The following FUT8 variants were observed in gnomAD, a reference collection of about 807,000 sequenced individuals.
FUT8 encodes fucosyltransferase 8, also known as alpha-(1,6)-fucosyltransferase.
A neutral mutation model predicts 71.3 loss-of-function variants in FUT8; 29 were observed. The observed-to-expected ratio is 0.41, with a 90% CI of 0.30 to 0.55. The LOEUF is 0.55. Among genes scored for constraint, FUT8 ranks in the 20% least tolerant of loss-of-function variants. FUT8 has a pLI of 0.34. For synonymous variants in FUT8, 254 were observed against 239.3 expected, an observed-to-expected ratio of 1.06 and a Z score of -0.57; for missense variants, 544 against 702.1, an observed-to-expected ratio of 0.77 and a Z score of 2.55.
At chr14:65,451,755 C>A (rs1008412466) in intron 1 of FUT8, among the ~76,000 whole-genome samples, 2 of 152,238 alleles carry the variant, frequency 1.3e-5, no homozygotes, top group Non-Finnish European at 2.9e-5. Flanking sequence ...TCAGCCATCT[C>A]TGGCAAGATT....
chr14:65,613,239 A>T (rs947182814), intron 3 of FUT8, among the ~76,000 whole-genome samples: 2 of 152,172 alleles, frequency 1.3e-5, no homozygotes, highest in Non-Finnish European at 2.9e-5. Flanking sequence ...GAGAACCTAG[A>T]CATAATCTTT....
In FUT8 at chr14:65,717,107, C is replaced by T. The variant is rs531558160; in HGVS notation, c.836-4668C>T. On this transcript the variant is annotated intron_variant, in intron 7 of 10. Transcript: ENST00000673929. ...GCAGAGGCGTTCCCCACTTCCCAGACGACGGGCAGCCGGGCAGAGGCGCTC... is the reference window on the plus strand; with the variant it reads ...GCAGAGGCGTTCCCCACTTCCCAGATGACGGGCAGCCGGGCAGAGGCGCTC... 1.3e-3 allele frequency among the ~76,000 whole-genome samples: 149 copies of T among 118,768 alleles called. 2 individuals are homozygous for T. Among genetic ancestry groups the T allele is most frequent in the Non-Finnish European group, 2.1e-3 (126 of 58,682 alleles). 77.9% of individuals were successfully genotyped at this position (118,768 alleles called of 152,430 possible).
intron 2 of FUT8, among the ~76,000 whole-genome samples, chr14:65,500,156 A>G (rs2066623757): frequency 6.6e-6 from 1 of 152,192 alleles, no homozygotes; most frequent in Non-Finnish European, 1.5e-5. Flanking sequence ...CCTGTTGGTA[A>G]TCTGGATGTA....
the FUT8 span, among the ~76,000 whole-genome samples, chr14:65,373,308 T>A: frequency 6.6e-6 from 1 of 151,348 alleles, no homozygotes; most frequent in Non-Finnish European, 1.5e-5. Flanking sequence ...TTTTGGCCTG[T>A]CATGTCCCCC....
At chr14:65,718,756 T>G (rs1015109561) in intron 7 of FUT8, among the ~76,000 whole-genome samples, 1 of 152,084 alleles carries the variant, frequency 6.6e-6, no homozygotes, top group Non-Finnish European at 1.5e-5. Context: ...AGGGTAAAAG[T>G]TTTTTTTCCC....
chr14:65,392,312 T>C, the FUT8 span, among the ~76,000 whole-genome samples: 1 of 152,248 alleles, frequency 6.6e-6, no homozygotes. Flanking sequence ...CTGTGTTCCT[T>C]TGAGTGTCTG....
intron 6 of FUT8, 55 bp downstream of exon 6, chr14:65,629,661 T>C: frequency 1.7e-6 from 2 of 1,169,030 alleles, no homozygotes; most frequent in East Asian, 2.3e-5. Context: ...GATCATAATA[T>C]AACTAAGAGT....
chr14:65,439,954 G>GTGTACATA lies in FUT8; in HGVS notation c.-325-15666_-325-15665insGTACATAT. ...ATAAAGAAAATGTGTGTGTGTGTGT[G>GTGTACATA]TATATATATATATATATATATATAT... On this transcript the variant is annotated intron_variant, in intron 1 of 10. Coordinates refer to ENST00000673929, the MANE Select transcript of FUT8 (RefSeq NM_001371533.1). Among the ~76,000 whole-genome samples the GTGTACATA allele has an allele frequency of 4.3e-3, 320 of 74,974 alleles. 22 individuals are homozygous for GTGTACATA. Among genetic ancestry groups the GTGTACATA allele is most frequent in the South Asian group, 5.9e-3 (10 of 1,688 alleles). 49.2% of individuals were successfully genotyped at this position (74,974 alleles called of 152,430 possible). A position where few individuals can be genotyped will look rare whatever the true frequency, so the allele number is the denominator to read the frequency against.
At chr14:65,592,647 C>T (rs1257065483) in intron 3 of FUT8, among the ~76,000 whole-genome samples, 2 of 152,126 alleles carry the variant, frequency 1.3e-5, no homozygotes, top group Admixed American at 6.5e-5. Flanking sequence ...CTGAGTAGGA[C>T]AGTTTATCTT....
chr14:65,744,048 G>A lies in FUT8; in HGVS notation c.*1638G>A, dbSNP rs1441524873. ...CAAGTCAAGCCTCCCAAAGAAAAAA[G>A]AAATTAACTTCCTACAGTGTCAGCA... is the stretch of plus-strand genomic sequence containing the variant. On this transcript the variant is annotated 3_prime_UTR_variant, in exon 11 of 11. Coordinates refer to ENST00000673929, the MANE Select transcript of FUT8 (RefSeq NM_001371533.1). 1 of 151,812 alleles carries A rather than the reference G, an allele frequency of 6.6e-6. No individual in the cohort carries two copies. Among genetic ancestry groups the A allele is most frequent in the Non-Finnish European group, 1.5e-5 (1 of 67,856 alleles). The allele number at this position is 151,812 out of a possible 1,614,324, so 9.4% of individuals were successfully genotyped here. A position where few individuals can be genotyped will look rare whatever the true frequency, so the allele number is the denominator to read the frequency against.
At chr14:65,604,698 AAACAAG>A (rs1362358156) in intron 3 of FUT8, among the ~76,000 whole-genome samples, 1 of 151,960 alleles carries the variant, frequency 6.6e-6, no homozygotes, top group Non-Finnish European at 1.5e-5. Flanking sequence ...GGAACTAGAG[AAACAAG>A]AACAAGAACA....
intron 5 of FUT8, among the ~76,000 whole-genome samples, chr14:65,629,199 C>T (rs928732154): frequency 6.6e-6 from 1 of 152,242 alleles, no homozygotes; most frequent in Admixed American, 6.5e-5. Context: ...TGCGTATTCA[C>T]TTTCCTCCAC....
chr14:65,668,267 C>G (rs1191897991), intron 6 of FUT8, among the ~76,000 whole-genome samples: 1 of 152,086 alleles, frequency 6.6e-6, no homozygotes, highest in East Asian at 1.9e-4. Flanking sequence ...CAATTATCAA[C>G]AGAGTAAACA....
At chr14:65,696,765 C>A (rs944886622) in intron 7 of FUT8, among the ~76,000 whole-genome samples, 1 of 151,946 alleles carries the variant, frequency 6.6e-6, no homozygotes, top group African/African-American at 2.4e-5. Flanking sequence ...TCTTTTAATT[C>A]AGTTTTGTAA....
intron 3 of FUT8, among the ~76,000 whole-genome samples, chr14:65,611,680 A>C (rs1889007717): frequency 6.6e-6 from 1 of 151,796 alleles, no homozygotes; most frequent in African/African-American, 2.4e-5. Flanking sequence ...CTTTTTTCTG[A>C]GATGGAGTCT....
chr14:65,545,956 G>GA (rs967805565), intron 2 of FUT8, among the ~76,000 whole-genome samples: 54 of 151,664 alleles, frequency 3.6e-4, no homozygotes, highest in African/African-American at 1.3e-3. Context: ...ATGATTTGCT[G>GA]AAAAAATCTG....
chr14:65,470,691 C>A (rs1445598145), intron 2 of FUT8, among the ~76,000 whole-genome samples: 2 of 152,088 alleles, frequency 1.3e-5, no homozygotes, highest in Admixed American at 6.5e-5. Context: ...TAGCCCCGGG[C>A]AGCCCTGCAC....
chr14:65,564,846 A>G (rs1480741832), intron 3 of FUT8, among the ~76,000 whole-genome samples: 1 of 151,944 alleles, frequency 6.6e-6, no homozygotes, highest in Non-Finnish European at 1.5e-5. Flanking sequence ...TATTGTCTGT[A>G]TTAGTAGTTC....
intron 3 of FUT8, among the ~76,000 whole-genome samples, chr14:65,562,671 A>AG (rs1391727770): frequency 1.3e-5 from 2 of 151,128 alleles, no homozygotes; most frequent in Non-Finnish European, 2.9e-5. Context: ...CTTACTCCAG[A>AG]GGTGGTAATT....
Sources: gnomAD v4.1 joint callset for allele counts (sites outside exome capture counted in the v4.1 genomes callset) on GRCh38, gnomAD v4.1.1 for gene constraint, MANE v1.5 for transcripts, NCBI Gene and HGNC (gene_info 2026-07-23, HGNC 2026-07-21) for gene names.